The following PTPRM variants were observed in gnomAD, a reference collection of about 807,000 sequenced individuals.
PTPRM encodes the protein protein tyrosine phosphatase receptor type M.
In PTPRM, 47 loss-of-function variants were observed where a neutral mutation model predicts 186.7. That is an observed-to-expected ratio of 0.25 (90% CI 0.20 to 0.32). PTPRM has a LOEUF of 0.32. Among genes scored for constraint, PTPRM ranks in the 10% least tolerant of loss-of-function variants. The pLI is 1.00. For missense variants in PTPRM, 1,494 were observed against 1,865.0 expected (o/e 0.80, Z 3.66); for synonymous variants, 668 against 674.9 (o/e 0.99, Z 0.16).
At chr18:8,372,917 AAAGG>A (rs1370866273) in intron 24 of PTPRM, among the ~76,000 whole-genome samples, 4 of 152,082 alleles carry the variant, frequency 2.6e-5, no homozygotes. Context: ...CTCTGTAGCT[AAAGG>A]AAGGGTTTGT....
chr18:8,337,470 G>A (rs909381608), intron 22 of PTPRM, among the ~76,000 whole-genome samples: 3 of 152,206 alleles, frequency 2.0e-5, no homozygotes, highest in Admixed American at 6.5e-5. Flanking sequence ...CTCACAGAAT[G>A]CCTGGCATTT....
chr18:8,070,783 C>T (rs778367160), intron 8 of PTPRM, among the ~76,000 whole-genome samples: 4 of 152,008 alleles, frequency 2.6e-5, no homozygotes, highest in South Asian at 2.1e-4. Flanking sequence ...ATCATTTTTC[C>T]GGCATCAAAA....
chr18:7,843,413 G>T (rs2046445038), intron 2 of PTPRM, among the ~76,000 whole-genome samples: 1 of 152,134 alleles, frequency 6.6e-6, no homozygotes, highest in Non-Finnish European at 1.5e-5. Context: ...TCAAGATTCT[G>T]CATTCTTTAA....
chr18:7,699,110 T>A (rs1191606237), intron 1 of PTPRM, among the ~76,000 whole-genome samples: 1 of 152,138 alleles, frequency 6.6e-6, no homozygotes, highest in African/African-American at 2.4e-5. Context: ...CGAACTCTTT[T>A]GTGAACTGCG....
intron 1 of PTPRM, among the ~76,000 whole-genome samples, chr18:7,751,755 A>G (rs1029172107): frequency 6.6e-6 from 1 of 152,230 alleles, no homozygotes; most frequent in Non-Finnish European, 1.5e-5. Context: ...CACCTAATAT[A>G]CATCTGGTAT....
chr18:8,070,101 T>C (rs1366993180), intron 8 of PTPRM, 107 bp downstream of exon 8: 6 of 1,011,798 alleles, frequency 5.9e-6, no homozygotes, highest in East Asian at 5.2e-5. Context: ...ACTTATTTTG[T>C]TGAACAACAC....
chr18:7,631,800 G>A (rs893679006), intron 1 of PTPRM, among the ~76,000 whole-genome samples: 1 of 152,162 alleles, frequency 6.6e-6, no homozygotes, highest in Non-Finnish European at 1.5e-5. Context: ...AGACGGGTAG[G>A]TTCCCTGTTA....
intron 2 of PTPRM, among the ~76,000 whole-genome samples, chr18:7,828,584 G>A (rs545747190): frequency 6.6e-6 from 1 of 152,246 alleles, no homozygotes; most frequent in African/African-American, 2.4e-5. Context: ...ACAGGGAGGC[G>A]CTTCATTTAT....
chr18:7,711,580 T>C (rs1330315090), intron 1 of PTPRM, among the ~76,000 whole-genome samples: 1 of 152,226 alleles, frequency 6.6e-6, no homozygotes, highest in African/African-American at 2.4e-5. Context: ...TAAGATCCAC[T>C]GGCTTGAAAT....
chr18:7,979,048 T>C (rs576603278), intron 7 of PTPRM, among the ~76,000 whole-genome samples: 174 of 152,174 alleles, frequency 1.1e-3, no homozygotes, highest in African/African-American at 3.9e-3. Context: ...ATAAGCTGGG[T>C]CTTTAATTTC....
intron 23 of PTPRM, among the ~76,000 whole-genome samples, chr18:8,367,631 G>A (rs1463782306): frequency 2.0e-5 from 3 of 152,270 alleles, no homozygotes; most frequent in African/African-American, 4.8e-5. Flanking sequence ...GCCTGGAACT[G>A]GGTGCGGGGG....
rs76877894 is a variant in PTPRM, at chr18:8,172,783, G to C, written c.2300+29004G>C. ...AATTGCAGGGAAACCCAAATCTGTG[G>C]TCCTGATTCTGCTGTTGCTTTAAGA... is the stretch of plus-strand genomic sequence containing the variant. On this transcript the variant is annotated intron_variant, in intron 14 of 32. Coordinates refer to ENST00000580170, the MANE Select transcript of PTPRM (RefSeq NM_001105244.2). Among the ~76,000 whole-genome samples, 219 of 152,158 alleles carry C rather than the reference G, an allele frequency of 1.4e-3. 4 individuals are homozygous for C. The highest frequency in any genetic ancestry group is 5.2e-3 in the African/African-American group (215 of 41,532).
At position 7,568,032 on chromosome 18, in the gene PTPRM, G is replaced by T; in HGVS notation, c.73+141G>T. 1 of 776,462 alleles carries T rather than the reference G, an allele frequency of 1.3e-6. No homozygotes were observed. The highest frequency in any genetic ancestry group is 3.6e-5 in the South Asian group (1 of 28,008). 48.1% of individuals were successfully genotyped at this position (776,462 alleles called of 1,614,324 possible). ...GCGCGGCGGGCCGGACACCGCTTCT[G>T]CCTGTGAGCCGGGCGCTGGGCGAGG... is the stretch of plus-strand genomic sequence containing the variant. On this transcript the variant is annotated intron_variant, in intron 1 of 32. Transcript: ENST00000580170. This position sits in a 1 kb window ranked among gnomAD's most constrained non-coding sequence, Gnocchi z 5.1.
At chr18:8,181,206 T>C (rs1193702767) in intron 14 of PTPRM, among the ~76,000 whole-genome samples, 4 of 152,178 alleles carry the variant, frequency 2.6e-5, no homozygotes, top group Non-Finnish European at 5.9e-5. Flanking sequence ...TCAGATGTTT[T>C]ACTCTGAGCG....
intron 14 of PTPRM, among the ~76,000 whole-genome samples, chr18:8,199,338 C>T (rs751054674): frequency 8.5e-5 from 13 of 152,266 alleles, no homozygotes; most frequent in African/African-American, 9.6e-5. Flanking sequence ...GGCACTGTGA[C>T]GCAGAGCCTG....
Position 7,993,874 on chromosome 18 carries a change from A to G in PTPRM, c.1132+38460A>G, listed in dbSNP as rs185008529. Among the ~76,000 whole-genome samples, 8 of 152,266 alleles carry G rather than the reference A, an allele frequency of 5.3e-5. No individual in the cohort carries two copies. The East Asian group carries it at 1.5e-3, about 29-fold the overall frequency. ...TACAGAAAGCTACCAAATCTCAAAG[A>G]TAAACATCAGAGAGGAAGAAATGAA... is the stretch of plus-strand genomic sequence containing the variant. On this transcript the variant is annotated intron_variant, in intron 7 of 32. Transcript: ENST00000580170.
intron 14 of PTPRM, among the ~76,000 whole-genome samples, chr18:8,160,821 G>A (rs928797536): frequency 6.6e-6 from 1 of 152,178 alleles, no homozygotes; most frequent in African/African-American, 2.4e-5. Flanking sequence ...TGTTTGATAA[G>A]CATCTGTGAT....
chr18:8,365,555 C>T (rs767642548), intron 23 of PTPRM, among the ~76,000 whole-genome samples: 1 of 152,206 alleles, frequency 6.6e-6, no homozygotes, highest in Non-Finnish European at 1.5e-5. Flanking sequence ...AATCCCCTTC[C>T]CCAAAACCAC....
chr18:7,579,046 T>G (rs2036775050), intron 1 of PTPRM, among the ~76,000 whole-genome samples: 1 of 152,184 alleles, frequency 6.6e-6, no homozygotes, highest in South Asian at 2.1e-4. Context: ...GCTGGGAGGT[T>G]GTATAAGTGA....
Sources: gnomAD v4.1 joint callset for allele counts (sites outside exome capture counted in the v4.1 genomes callset) on GRCh38, gnomAD v4.1.1 for gene constraint, Gnocchi (gnomAD v3.1) non-coding constraint, MANE v1.5 for transcripts, NCBI Gene and HGNC (gene_info 2026-07-23, HGNC 2026-07-21) for gene names.